Variants in DOCK7 observed in about 807,000 individuals in gnomAD.
DOCK7 encodes dedicator of cytokinesis protein 7.
A neutral mutation model predicts 271.0 loss-of-function variants in DOCK7; 138 were observed. The ratio of observed to expected loss-of-function variants is 0.51; its 90% CI spans 0.44 to 0.59. The LOEUF is 0.59. Ranked by LOEUF, DOCK7 falls within the 20% of genes least tolerant of loss-of-function variation. The pLI, the probability that DOCK7 is intolerant of heterozygous loss-of-function variation, is 0.00. For missense variants in DOCK7, 2,066 were observed against 2,592.4 expected (o/e 0.80, Z 4.41); for synonymous variants, 823 against 876.1 (o/e 0.94, Z 1.07).
At chr1:62,538,306 CATCA>C (rs1194819387) in intron 27 of DOCK7, among the ~76,000 whole-genome samples, 1 of 152,158 alleles carries the variant, frequency 6.6e-6, no homozygotes, top group Non-Finnish European at 1.5e-5. Context: ...TCCAATATAG[CATCA>C]ATATTTCTAC....
chr1:62,464,849 A>G (rs1645629914), intron 48 of DOCK7, among the ~76,000 whole-genome samples: 1 of 152,230 alleles, frequency 6.6e-6, no homozygotes, highest in Non-Finnish European at 1.5e-5. Context: ...GATTTTTTCC[A>G]ATGAATGTAA....
chr1:62,635,731 G>C (rs1655182610), intron 8 of DOCK7: 1 of 152,046 alleles, frequency 6.6e-6, no homozygotes. Flanking sequence ...GCCACTGAAG[G>C]CACTTCAAGT....
chr1:62,509,086 G>A (rs1233101754), intron 34 of DOCK7, among the ~76,000 whole-genome samples: 1 of 151,880 alleles, frequency 6.6e-6, no homozygotes, highest in Non-Finnish European at 1.5e-5. Context: ...ACTTTGAAAG[G>A]CTGAGGTAGG....
intron 1 of DOCK7, among the ~76,000 whole-genome samples, chr1:62,686,169 T>A (rs1271796526): frequency 0.52 from 456 of 882 alleles, 208 homozygotes; most frequent in Admixed American, 0.57. Context: ...TTTTTTTTTT[T>A]TTTTTTTTTT....
At chr1:62,458,187 G>A (rs12023489) in intron 48 of DOCK7, 59,474 of 155,572 alleles carry the variant, frequency 0.38, 12,107 homozygotes, top group African/African-American at 0.53. Flanking sequence ...GTGTGTGTAC[G>A]CGCGCGCTGA....
At chr1:62,579,556 C>T (rs972317739) in intron 16 of DOCK7, among the ~76,000 whole-genome samples, 1 of 151,700 alleles carries the variant, frequency 6.6e-6, no homozygotes, top group African/African-American at 2.4e-5. Flanking sequence ...CATAGCCAGA[C>T]TCATCTCTAC....
At chr1:62,653,594 G>A (rs1346523138) in intron 4 of DOCK7, 131 bp downstream of exon 4, 1 of 634,962 alleles carries the variant, frequency 1.6e-6, no homozygotes, top group African/African-American at 1.9e-5. Flanking sequence ...ATACACAAAA[G>A]TTCTTCTTTT....
intron 1 of DOCK7, among the ~76,000 whole-genome samples, chr1:62,679,803 T>A: frequency 6.6e-6 from 1 of 152,236 alleles, no homozygotes; most frequent in Non-Finnish European, 1.5e-5. Context: ...TCAAAGAGAA[T>A]AAAATACTTA....
At chr1:62,606,184 T>C (rs1650953862) in intron 14 of DOCK7, 1 of 152,052 alleles carries the variant, frequency 6.6e-6, no homozygotes, top group Admixed American at 6.6e-5. Context: ...GACTAAGCTG[T>C]CGAAATTAAC....
intron 1 of DOCK7, among the ~76,000 whole-genome samples, chr1:62,667,491 C>G (rs186463972): frequency 1.3e-5 from 2 of 152,288 alleles, no homozygotes; most frequent in East Asian, 3.9e-4. Flanking sequence ...TGGGTTGTAT[C>G]AGAGTGTTAG....
At chr1:62,501,047 A>C (rs1188779197) in intron 37 of DOCK7, among the ~76,000 whole-genome samples, 2 of 139,986 alleles carry the variant, frequency 1.4e-5, no homozygotes, top group African/African-American at 5.2e-5. Context: ...TATTTTTAAA[A>C]GGGGGGGTGA....
At chr1:62,489,212 G>A in intron 41 of DOCK7, 147 bp from the exon 42 acceptor site, 1 of 662,868 alleles carries the variant, frequency 1.5e-6, no homozygotes, top group Non-Finnish European at 2.3e-6. Flanking sequence ...CACTTTGGGA[G>A]GCCGAGGCGG....
intron 14 of DOCK7, among the ~76,000 whole-genome samples, chr1:62,594,550 C>T (rs1648939332): frequency 6.6e-6 from 1 of 151,994 alleles, no homozygotes; most frequent in Non-Finnish European, 1.5e-5. Flanking sequence ...GTCTTTGGTA[C>T]TAGTGCTCAG....
At chr1:62,613,440 G>T (rs542077563) in intron 14 of DOCK7, among the ~76,000 whole-genome samples, 11 of 152,102 alleles carry the variant, frequency 7.2e-5, no homozygotes, top group African/African-American at 1.2e-4. Flanking sequence ...CGCGGGGAAC[G>T]ACAGAGTTTG....
chr1:62,475,542 T>C (rs375846015), intron 46 of DOCK7, 165 bp downstream of exon 46: 3 of 1,071,506 alleles, frequency 2.8e-6, no homozygotes, highest in Non-Finnish European at 4.0e-6. Context: ...GGGGGTGAAT[T>C]AGGGTCTTAG....
rs557487060 is a variant in DOCK7, at chr1:62,457,287, C to T, written c.6380+251G>A. On this transcript the variant is annotated intron_variant, in intron 49 of 49. Transcript: ENST00000635253. ...CCCTAATCCAAAATTCTGAAATGTT[C>T]CAATATCAGAGACTTTTTAAGCGCT... 3.3e-5 allele frequency among the ~76,000 whole-genome samples: 5 copies of T among 152,202 alleles called. No individual in the cohort carries two copies. In the South Asian group the frequency reaches 1.0e-3, roughly 32 times the overall value.
chr1:62,620,883 C>CAA lies in DOCK7; in HGVS notation c.1426-892_1426-891dup, dbSNP rs767181280. On this transcript the variant is annotated intron_variant, in intron 12 of 49. Transcript: ENST00000635253. ...TGGATGACAGAAAAAGACTCCGTCT[C>CAA]AAAAAAAAAAAAAAAAAAAAAGGAA... is the stretch of plus-strand genomic sequence containing the variant. Among the ~76,000 whole-genome samples the CAA allele has an allele frequency of 9.3e-3, 288 of 30,940 alleles. 5 individuals are homozygous for CAA. Among genetic ancestry groups the CAA allele is most frequent in the Non-Finnish European group, 0.011 (140 of 12,472 alleles). 20.3% of individuals were successfully genotyped at this position (30,940 alleles called of 152,430 possible).
chr1:62,552,996 A>C, intron 21 of DOCK7, 95 bp from the exon 22 acceptor site: 2 of 883,388 alleles, frequency 2.3e-6, no homozygotes, highest in Non-Finnish European at 3.1e-6. Context: ...TTCCACAAAG[A>C]TCATGAATTG....
At chr1:62,604,056 A>C in intron 14 of DOCK7, 1 of 1,613,262 alleles carries the variant, frequency 6.2e-7, no homozygotes, top group Non-Finnish European at 8.5e-7. Context: ...GACTGGAAAG[A>C]CAACAAACAT....
Sources: allele counts gnomAD v4.1 joint callset (sites outside exome capture counted in the v4.1 genomes callset), GRCh38; gene constraint gnomAD v4.1.1; transcripts MANE v1.5; gene names NCBI Gene and HGNC (gene_info 2026-07-23, HGNC 2026-07-21).